The following HSF4 variants were observed in gnomAD, a reference collection of about 807,000 sequenced individuals.
HSF4 encodes heat shock factor protein 4.
Under a neutral mutation model 52.0 loss-of-function variants are expected in HSF4, and 41 were observed. That is an observed-to-expected ratio of 0.79 (90% CI 0.61 to 1.02). The LOEUF (loss-of-function observed/expected upper bound fraction) is 1.02. Ranked by LOEUF, HSF4 falls within the 50% of genes least tolerant of loss-of-function variation. The pLI is 0.00. For synonymous variants in HSF4, 285 were observed against 273.0 expected, an observed-to-expected ratio of 1.04 and a Z score of -0.43; for missense variants, 610 against 651.1, an observed-to-expected ratio of 0.94 and a Z score of 0.69.
chr16:67,165,660 G>T lies in HSF4; in HGVS notation c.232+30G>T. On this transcript the variant is annotated intron_variant, in intron 2 of 12. Transcript: ENST00000521374. The surrounding 1 kb of genome is among the most constrained non-coding windows in gnomAD (Gnocchi z 6.9). Reference sequence around the variant, plus strand: ...GTCCCTACGGCCGGGCGGGGAGCGGGGATGGGGGACTCGGTGCCGGGGATG... The same window carrying T: ...GTCCCTACGGCCGGGCGGGGAGCGGTGATGGGGGACTCGGTGCCGGGGATG... 1 of 1,612,658 alleles carries T rather than the reference G, an allele frequency of 6.2e-7. No individual in the cohort carries two copies. Among genetic ancestry groups the T allele is most frequent in the Non-Finnish European group, 8.5e-7 (1 of 1,179,878 alleles).
chr16:67,167,662 G>T, intron 8 of HSF4, 58 bp from the exon 9 acceptor site: 1 of 1,612,228 alleles, frequency 6.2e-7, no homozygotes, highest in African/African-American at 1.3e-5. Flanking sequence ...CCAGATGGCT[G>T]TAGGGGTAGA....
chr16:67,164,590 CACTCCACT>C, upstream of HSF4: 1 of 522,488 alleles, frequency 1.9e-6, no homozygotes, highest in Non-Finnish European at 3.6e-6. Flanking sequence ...CCCACCCCTC[CACTCCACT>C]CCACTCCACA....
In HSF4 at chr16:67,166,008, C is replaced by A; in HGVS notation, c.423C>A (p.Gly141=). Residue 141 remains glycine (G), a synonymous_variant, in exon 4 of 13, where the codon GGC becomes GGA. Coordinates refer to ENST00000521374, the MANE Select transcript of HSF4 (RefSeq NM_001374675.1). ...WRPEDLGRLL[G]EVQALRGVQE... The stretch of plus-strand genomic sequence containing the variant: ...CGGAGGACCTGGGTCGACTACTGGG[C>A]GAGGTGCAGGCTTTGCGGGGAGTGC... 2.6e-6 allele frequency: 4 copies of A among 1,528,084 alleles called. No individual in the cohort carries two copies. Among genetic ancestry groups the A allele is most frequent in the Non-Finnish European group, 3.5e-6 (4 of 1,143,866 alleles). 94.7% of individuals were successfully genotyped at this position (1,528,084 alleles called of 1,614,324 possible). A position where few individuals can be genotyped will look rare whatever the true frequency, so the allele number is the denominator to read the frequency against.
intron 6 of HSF4, 82 bp downstream of exon 6, chr16:67,166,704 A>G: frequency 2.3e-6 from 3 of 1,287,888 alleles, no homozygotes; most frequent in Non-Finnish European, 3.4e-6. Flanking sequence ...TCTCCTCTGG[A>G]AACTCCTTCA....
Position 67,165,326 on chromosome 16 carries a change from T to C in HSF4, c.124-196T>C. ...TCAGGGTCTGGCTGGGGGTAGGGACTCACTGTGGTCGCTCCAGGCTAGGCC... is the reference window on the plus strand; with the variant it reads ...TCAGGGTCTGGCTGGGGGTAGGGACCCACTGTGGTCGCTCCAGGCTAGGCC... On this transcript the variant is annotated intron_variant, in intron 1 of 12. Transcript: ENST00000521374. This position sits in a 1 kb window ranked among gnomAD's most constrained non-coding sequence, Gnocchi z 6.9. 1.6e-6 allele frequency: 1 copy of C among 618,744 alleles called. No homozygotes were observed. The highest frequency in any genetic ancestry group is 2.9e-6 in the Non-Finnish European group (1 of 349,550). 38.3% of individuals were successfully genotyped at this position (618,744 alleles called of 1,614,324 possible).
At position 67,169,024 on chromosome 16, in the gene HSF4, A is replaced by G; in HGVS notation, c.1189-12A>G. 6.2e-7 allele frequency: 1 copy of G among 1,613,924 alleles called. No individual in the cohort carries two copies. The highest frequency in any genetic ancestry group is 8.5e-7 in the Non-Finnish European group (1 of 1,179,974). ...CCTGGGGAGGGCACCACTGACCCAG[A>G]GCTCTCCTCAGGTGCTGGGCCCCAG... On this transcript the variant is annotated splice_polypyrimidine_tract_variant and intron_variant, in intron 10 of 12. Coordinates refer to ENST00000521374, the MANE Select transcript of HSF4 (RefSeq NM_001374675.1). The surrounding 1 kb of genome is among the most constrained non-coding windows in gnomAD (Gnocchi z 4.3).
At chr16:67,164,477 T>C, upstream of HSF4, 1 of 545,148 alleles carries the variant, frequency 1.8e-6, no homozygotes, top group South Asian at 1.5e-5. Flanking sequence ...GCACCGGCGA[T>C]TTCTCCTGTA....
In HSF4 at chr16:67,165,257, T is replaced by C; in HGVS notation, c.124-265T>C. The C allele has an allele frequency of 6.7e-6, 4 of 595,734 alleles. No individual in the cohort carries two copies. 36.9% of individuals were successfully genotyped at this position (595,734 alleles called of 1,614,324 possible). A position where few individuals can be genotyped will look rare whatever the true frequency, so the allele number is the denominator to read the frequency against. On this transcript the variant is annotated intron_variant, in intron 1 of 12. Transcript: ENST00000521374. This position sits in a 1 kb window ranked among gnomAD's most constrained non-coding sequence, Gnocchi z 6.9. Reference sequence around the variant, plus strand: ...CTAGCTCAGGGTCACATTGCGGGGCTGGGAACCCCGTCAGCCTCTCCTTTC... The same window carrying C: ...CTAGCTCAGGGTCACATTGCGGGGCCGGGAACCCCGTCAGCCTCTCCTTTC...
chr16:67,163,884 T>A, upstream of HSF4: 1 of 1,440,396 alleles, frequency 6.9e-7, no homozygotes, highest in South Asian at 1.3e-5. Flanking sequence ...GGGGGGGGTG[T>A]CCAGGCGCGC....
chr16:67,165,639 C>G lies in HSF4; in HGVS notation c.232+9C>G. ...GCGCCAACTCAACATGTGTGAGTCC[C>G]TACGGCCGGGCGGGGAGCGGGGATG... is the stretch of plus-strand genomic sequence containing the variant. On this transcript the variant is annotated intron_variant, in intron 2 of 12. Transcript: ENST00000521374. This position sits in a 1 kb window ranked among gnomAD's most constrained non-coding sequence, Gnocchi z 6.9. 2 of 1,612,832 alleles carry G rather than the reference C, an allele frequency of 1.2e-6. No individual in the cohort carries two copies. Among genetic ancestry groups the G allele is most frequent in the South Asian group, 1.1e-5 (1 of 91,088 alleles).
rs779304471 is a variant in HSF4 at position 67,169,315 on chromosome 16, C to T, written c.1291C>T (p.Leu431=). 1.4e-5 allele frequency: 23 copies of T among 1,613,642 alleles called. No homozygotes were observed. In the South Asian group the frequency reaches 2.4e-4, roughly 17 times the overall value. Residue 431 remains leucine (L), a synonymous_variant, in exon 12 of 13, where the codon CTG becomes TTG. Coordinates refer to ENST00000521374, the MANE Select transcript of HSF4 (RefSeq NM_001374675.1). The surrounding 1 kb of genome is among the most constrained non-coding windows in gnomAD (Gnocchi z 4.3). The stretch of plus-strand genomic sequence containing the variant: ...GGTTCCAGAGCGGGGTGAGCCTGAG[C>T]TGGCGGTCAAGGGGTTAAATTCTCC... ...PLVPERGEPE[L]AVKGLNSPSP...
In HSF4 at chr16:67,164,781, C is replaced by T. The variant is rs761692965; in HGVS notation, c.-31C>T. ...CTTTGACGAGCCCGCAGCGGCCGGG[C>T]CCGAGCGCAGAGCCGGGCCGAGACT... On this transcript the variant is annotated 5_prime_UTR_variant, in exon 1 of 13. Coordinates refer to ENST00000521374, the MANE Select transcript of HSF4 (RefSeq NM_001374675.1). The T allele has an allele frequency of 6.3e-7, 1 of 1,575,758 alleles. No individual in the cohort carries two copies. The highest frequency in any genetic ancestry group is 8.6e-7 in the Non-Finnish European group (1 of 1,169,418).
intron 9 of HSF4, among the ~76,000 whole-genome samples, 170 bp downstream of exon 9, chr16:67,168,117 G>T (rs1410407475): frequency 6.6e-6 from 1 of 152,246 alleles, no homozygotes. Flanking sequence ...ATCTGCGGAA[G>T]GGCTTAGGAA....
chr16:67,164,961 C>A, intron 1 of HSF4, 27 bp downstream of exon 1: 2 of 1,577,942 alleles, frequency 1.3e-6, no homozygotes, highest in Non-Finnish European at 8.6e-7. Context: ...CTCGATTCCC[C>A]CTGTGGTCCC....
chr16:67,163,897 C>A (rs1300041947), upstream of HSF4: 1 of 1,522,852 alleles, frequency 6.6e-7, no homozygotes. Flanking sequence ...AGGCGCGCCC[C>A]GAGTGCTAGT....
chr16:67,167,823 G>GC lies in HSF4; in HGVS notation c.965dup (p.Pro323AlafsTer29), dbSNP rs776129797. On this transcript the variant is annotated frameshift_variant, in exon 9 of 13. Transcript: ENST00000521374. LOFTEE classifies it high-confidence loss of function. Reference sequence around the variant, plus strand: ...AAACGAGTGTGACTTCTGCGTGACAGCCCCCCCGCCACTGCCTGTGGCTGT... The same window carrying GC: ...AAACGAGTGTGACTTCTGCGTGACAGCCCCCCCCGCCACTGCCTGTGGCTGT... 6.0e-5 allele frequency: 96 copies of GC among 1,586,996 alleles called. No individual in the cohort carries two copies. Among genetic ancestry groups the GC allele is most frequent in the African/African-American group, 8.1e-5 (6 of 74,356 alleles).
At chr16:67,168,097 G>C (rs2031438373) in intron 9 of HSF4, 150 bp downstream of exon 9, 1 of 725,964 alleles carries the variant, frequency 1.4e-6, no homozygotes, top group Non-Finnish European at 2.4e-6. Flanking sequence ...TCCCAGTCAG[G>C]GCACTCAGCA....
upstream of HSF4, chr16:67,164,709 G>C (rs2031108876): frequency 2.2e-6 from 3 of 1,373,576 alleles, no homozygotes; most frequent in African/African-American, 1.5e-5. Flanking sequence ...CCGGCGCCCC[G>C]GGGCGGAGTA....
Position 67,165,922 on chromosome 16 carries a change from C to CCCGA in HSF4, c.361-22_361-19dup. 1 of 1,583,992 alleles carries CCCGA rather than the reference C, an allele frequency of 6.3e-7. No homozygotes were observed. The highest frequency in any genetic ancestry group is 8.5e-7 in the Non-Finnish European group (1 of 1,173,234). On this transcript the variant is annotated intron_variant, in intron 3 of 12. Transcript: ENST00000521374. This position sits in a 1 kb window ranked among gnomAD's most constrained non-coding sequence, Gnocchi z 6.9. ...GCCTGCCTTGCTCCTGCGACCCAGT[C>CCCGA]CCGACGGTGCCTCCCGCCTGCAGGT...
Sources: gnomAD v4.1 joint callset for allele counts (sites outside exome capture counted in the v4.1 genomes callset) on GRCh38, gnomAD v4.1.1 for gene constraint, Gnocchi (gnomAD v3.1) non-coding constraint, MANE v1.5 for transcripts, NCBI Gene and HGNC (gene_info 2026-07-23, HGNC 2026-07-21) for gene names.